NBAS: variants seen among roughly 807,000 people sequenced by gnomAD.
The protein encoded by NBAS is NAG/BC035112 fusion.
Under a neutral mutation model 302.5 loss-of-function variants are expected in NBAS, and 219 were observed. The ratio of observed to expected loss-of-function variants is 0.72; its 90% CI spans 0.65 to 0.81. The LOEUF (loss-of-function observed/expected upper bound fraction) is 0.81, where lower values mean the gene tolerates loss of function less well. NBAS is among the 30% of genes least tolerant of loss of function. NBAS has a pLI of 0.00. For synonymous variants in NBAS, 1,118 were observed against 1,021.6 expected, an observed-to-expected ratio of 1.09 and a Z score of -1.80; for missense variants, 2,932 against 2,841.6, an observed-to-expected ratio of 1.03 and a Z score of -0.72.
chr2:14,878,084 G>A, the NBAS span, among the ~76,000 whole-genome samples: 5,905 of 152,204 alleles, frequency 0.039, 384 homozygotes, highest in African/African-American at 0.13. Context: ...CAACTACAGC[G>A]TGCCAGGGCC....
the NBAS span, among the ~76,000 whole-genome samples, chr2:14,790,501 A>T: frequency 6.6e-6 from 1 of 152,186 alleles, no homozygotes; most frequent in African/African-American, 2.4e-5. Flanking sequence ...AAAAAGTCCA[A>T]GTAGGGGAGG....
Position 15,475,864 on chromosome 2 carries a change from G to A in NBAS, c.1164C>T (p.Tyr388=). The A allele has an allele frequency of 6.2e-7, 1 of 1,613,274 alleles. No individual in the cohort carries two copies. The change falls in exon 14 of 52, where the codon TAC becomes TAT. Residue 388 remains tyrosine (Y), a synonymous_variant. Transcript: ENST00000281513. ...RKKIKDKESF[Y]PLIDVNWWAD... ...CCCACCAATTGACATCTATCAGTGG[G>A]TAAAAGGACTCTTTATCTAAGAAGC...
intron 28 of NBAS, among the ~76,000 whole-genome samples, chr2:15,394,021 G>A (rs1047322337): frequency 3.7e-4 from 57 of 152,066 alleles, no homozygotes; most frequent in African/African-American, 1.3e-3. Flanking sequence ...AACTTTCAGG[G>A]GTACTGGATG....
chr2:15,210,869 C>T (rs924368160), intron 48 of NBAS, among the ~76,000 whole-genome samples: 12 of 152,130 alleles, frequency 7.9e-5, no homozygotes, highest in Non-Finnish European at 1.8e-4. Flanking sequence ...ATAAGCCAGG[C>T]ACGGAAAGAC....
chr2:14,975,623 C>CA, the NBAS span, among the ~76,000 whole-genome samples: 11 of 152,134 alleles, frequency 7.2e-5, no homozygotes, highest in African/African-American at 2.7e-4. Flanking sequence ...GAGTCACTCA[C>CA]AAAAAACACT....
At chr2:14,912,404 CT>C in the NBAS span, among the ~76,000 whole-genome samples, 2 of 151,928 alleles carry the variant, frequency 1.3e-5, no homozygotes, top group Non-Finnish European at 1.5e-5. Flanking sequence ...AAATTTCACC[CT>C]TCATTACCTC....
intron 16 of NBAS, among the ~76,000 whole-genome samples, chr2:15,472,099 T>C (rs763633312): frequency 6.6e-6 from 1 of 152,224 alleles, no homozygotes; most frequent in Non-Finnish European, 1.5e-5. Context: ...ATTTATTGCC[T>C]CTCAGCTCCA....
chr2:15,492,086 T>C (rs1399682520), intron 11 of NBAS, among the ~76,000 whole-genome samples: 1 of 152,224 alleles, frequency 6.6e-6, no homozygotes, highest in East Asian at 1.9e-4. Flanking sequence ...TCTTGAACTA[T>C]CTTATTGTAG....
chr2:15,447,839 T>G (rs2148531290), intron 21 of NBAS, among the ~76,000 whole-genome samples: 1 of 152,354 alleles, frequency 6.6e-6, no homozygotes, highest in South Asian at 2.1e-4. Flanking sequence ...CTGGGTAATT[T>G]ATAAATAACA....
chr2:15,099,871 T>G, the NBAS span, among the ~76,000 whole-genome samples: 1 of 152,160 alleles, frequency 6.6e-6, no homozygotes, highest in African/African-American at 2.4e-5. Flanking sequence ...AAAATTGCAA[T>G]AAATCAAAAT....
intron 48 of NBAS, among the ~76,000 whole-genome samples, chr2:15,212,170 C>A (rs1315647945): frequency 8.5e-5 from 13 of 152,164 alleles, no homozygotes; most frequent in Admixed American, 5.9e-4. Context: ...GCAGCTAGTA[C>A]CAACTTCAGG....
the NBAS span, among the ~76,000 whole-genome samples, chr2:15,098,375 T>TATATATTGTATATATC: frequency 2.3e-4 from 2 of 8,718 alleles, no homozygotes; most frequent in Non-Finnish European, 3.7e-4. Context: ...TATAATATAT[T>TATATATTGTATATATC]ATATATGATA....
chr2:14,798,225 C>T, the NBAS span, among the ~76,000 whole-genome samples: 1 of 152,098 alleles, frequency 6.6e-6, no homozygotes, highest in Non-Finnish European at 1.5e-5. Flanking sequence ...TACTTAAAGG[C>T]TTTTTGGAGG....
intron 21 of NBAS, among the ~76,000 whole-genome samples, chr2:15,449,599 T>TC (rs34494684): frequency 6.6e-6 from 1 of 151,906 alleles, no homozygotes; most frequent in Admixed American, 6.6e-5. Flanking sequence ...CCCTTTTTTT[T>TC]CTTTAAATAG....
At chr2:15,250,808 A>G (rs1324682762) in intron 44 of NBAS, among the ~76,000 whole-genome samples, 5 of 152,196 alleles carry the variant, frequency 3.3e-5, no homozygotes, top group Non-Finnish European at 7.3e-5. Context: ...GTCAGGAAAC[A>G]ACAGATACTG....
rs747578631 is a variant in NBAS, at chr2:15,478,275, G to C, written c.1098C>G (p.Asp366Glu). 5.6e-6 allele frequency: 9 copies of C among 1,611,146 alleles called. No individual in the cohort carries two copies. Among genetic ancestry groups the C allele is most frequent in the Non-Finnish European group, 7.6e-6 (9 of 1,177,620 alleles). Reference protein sequence around the residue: ...WGQNEQPGYDDLNPDWRLSTE... With the variant: ...WGQNEQPGYDELNPDWRLSTE... ...TAGAGAGCCTCCAATCAGGATTAAGGTCATCATAGCCTGGCTAAATATGAA... is the reference window on the plus strand; with the variant it reads ...TAGAGAGCCTCCAATCAGGATTAAGCTCATCATAGCCTGGCTAAATATGAA... Residue 366 changes from aspartate (D) to glutamate (E), a missense_variant, in exon 13 of 52, where the codon GAC (aspartate) becomes GAG (glutamate). Physicochemically the swap from Asp to Glu is conservative, Grantham distance 45. Coordinates refer to ENST00000281513, the MANE Select transcript of NBAS (RefSeq NM_015909.4).
chr2:14,795,614 G>A, the NBAS span, among the ~76,000 whole-genome samples: 3 of 152,144 alleles, frequency 2.0e-5, no homozygotes, highest in East Asian at 3.9e-4. Flanking sequence ...TAAAATCTTG[G>A]TGTTATATCA....
chr2:14,888,900 G>A, the NBAS span, among the ~76,000 whole-genome samples: 1 of 152,176 alleles, frequency 6.6e-6, no homozygotes. Context: ...GAGTATCTCC[G>A]TAGAGCACGA....
At chr2:15,154,818 G>A in the NBAS span, among the ~76,000 whole-genome samples, 2 of 152,122 alleles carry the variant, frequency 1.3e-5, no homozygotes, top group Non-Finnish European at 2.9e-5. Flanking sequence ...GAGGCTATAG[G>A]TGAGTGTTCC....
Sources: gnomAD v4.1 joint callset for allele counts (sites outside exome capture counted in the v4.1 genomes callset) on GRCh38, gnomAD v4.1.1 for gene constraint, MANE v1.5 for transcripts, NCBI Gene and HGNC (gene_info 2026-07-23, HGNC 2026-07-21) for gene names.